The following CTNNA2 variants were observed in gnomAD, a reference collection of about 807,000 sequenced individuals.
CTNNA2 encodes the protein catenin alpha 2.
CTNNA2 carries 42 observed loss-of-function variants against 101.0 expected under a neutral mutation model. That is an observed-to-expected ratio of 0.42 (90% CI 0.32 to 0.54). The LOEUF (loss-of-function observed/expected upper bound fraction) is 0.54. CTNNA2 is among the 20% of genes least tolerant of loss of function. The pLI is 0.14. For synonymous variants in CTNNA2, 450 were observed against 456.4 expected (o/e 0.99, Z 0.18); for missense variants, 871 against 1,223.1 (o/e 0.71, Z 4.29).
chr2:80,357,091 A>G (rs1377580435), intron 7 of CTNNA2, among the ~76,000 whole-genome samples: 5 of 152,162 alleles, frequency 3.3e-5, no homozygotes, highest in Admixed American at 3.3e-4. Flanking sequence ...TGCTTAAATT[A>G]TAGCAAAGAA....
intron 3 of CTNNA2, among the ~76,000 whole-genome samples, chr2:79,817,463 A>T (rs1677614531): frequency 6.6e-6 from 1 of 150,832 alleles, no homozygotes. Context: ...TTCCAGTCTC[A>T]CTCTCAAAGC....
chr2:80,399,075 A>ATTTTT lies in CTNNA2; in HGVS notation c.1137+5796_1137+5800dup, dbSNP rs375797544. Among the ~76,000 whole-genome samples, 367 of 137,522 alleles carry ATTTTT rather than the reference A, an allele frequency of 2.7e-3. 3 individuals carry two copies. Among genetic ancestry groups the ATTTTT allele is most frequent in the African/African-American group, 8.1e-3 (299 of 36,974 alleles). 90.2% of individuals were successfully genotyped at this position (137,522 alleles called of 152,430 possible). On this transcript the variant is annotated intron_variant, in intron 8 of 18. Transcript: ENST00000402739. ...AAGCATGTGCCACCACGCCTGGCTA[A>ATTTTT]TTTTTTTTTTTTTTTTAGCAGAGAC...
chr2:80,539,141 C>T (rs545115317), intron 9 of CTNNA2, among the ~76,000 whole-genome samples: 1 of 152,170 alleles, frequency 6.6e-6, no homozygotes, highest in East Asian at 1.9e-4. Context: ...ACCTCAGCCT[C>T]CTGAGTTATT....
At chr2:80,168,397 C>T (rs537534716) in intron 7 of CTNNA2, among the ~76,000 whole-genome samples, 1 of 152,228 alleles carries the variant, frequency 6.6e-6, no homozygotes, top group South Asian at 2.1e-4. Flanking sequence ...AATTCCATCC[C>T]CCACCTGCCC....
chr2:80,024,232 T>C (rs1574568434), intron 7 of CTNNA2, among the ~76,000 whole-genome samples: 3 of 152,054 alleles, frequency 2.0e-5, no homozygotes, highest in South Asian at 2.1e-4. Context: ...AATAGAACAA[T>C]ATGTAAGAGG....
intron 3 of CTNNA2, among the ~76,000 whole-genome samples, chr2:79,337,098 C>T (rs10171893): frequency 0.13 from 20,075 of 152,082 alleles, 1,498 homozygotes; most frequent in Middle Eastern, 0.21. Flanking sequence ...ATGGACAGAC[C>T]TGACAAAGGG....
At chr2:79,961,128 C>T (rs188563082) in intron 7 of CTNNA2, among the ~76,000 whole-genome samples, 22 of 152,280 alleles carry the variant, frequency 1.4e-4, no homozygotes, top group African/African-American at 5.3e-4. Context: ...TTGCAAATCT[C>T]AGGATGTATT....
intron 18 of CTNNA2, among the ~76,000 whole-genome samples, chr2:80,637,259 G>A (rs769735142): frequency 2.0e-5 from 3 of 152,126 alleles, no homozygotes; most frequent in Non-Finnish European, 2.9e-5. Flanking sequence ...AACTTCAGTG[G>A]CATTATCTCA....
intron 3 of CTNNA2, among the ~76,000 whole-genome samples, chr2:79,786,134 A>G (rs975051): frequency 0.65 from 99,128 of 152,020 alleles, 35,096 homozygotes; most frequent in East Asian, 0.96. Flanking sequence ...AACACTAACA[A>G]GTGCTTCAGT....
chr2:80,394,753 A>G (rs1360947933), intron 8 of CTNNA2, among the ~76,000 whole-genome samples: 1 of 147,510 alleles, frequency 6.8e-6, no homozygotes, highest in African/African-American at 2.7e-5. Flanking sequence ...GAGCCAAACT[A>G]GATCTGCAAA....
chr2:79,997,906 C>A (rs1186848812), intron 7 of CTNNA2, among the ~76,000 whole-genome samples: 2 of 152,152 alleles, frequency 1.3e-5, no homozygotes, highest in Non-Finnish European at 2.9e-5. Context: ...ACATAGAGAA[C>A]TGAGCCAAAG....
chr2:80,170,825 G>T (rs1705006693), intron 7 of CTNNA2, among the ~76,000 whole-genome samples: 1 of 152,176 alleles, frequency 6.6e-6, no homozygotes, highest in Admixed American at 6.5e-5. Flanking sequence ...GGTGGGTGAG[G>T]TGTTATGCTG....
At chr2:80,181,550 C>A (rs1705781081) in intron 7 of CTNNA2, among the ~76,000 whole-genome samples, 1 of 152,152 alleles carries the variant, frequency 6.6e-6, no homozygotes, top group Non-Finnish European at 1.5e-5. Context: ...TGATTTTCCA[C>A]AATTTCAGCT....
At chr2:79,745,030 G>A (rs1671544992) in intron 3 of CTNNA2, among the ~76,000 whole-genome samples, 1 of 152,152 alleles carries the variant, frequency 6.6e-6, no homozygotes, top group Admixed American at 6.5e-5. Flanking sequence ...CACAAATGTA[G>A]CAAGCTAGCC....
chr2:80,356,100 C>T (rs1673769232), intron 7 of CTNNA2, among the ~76,000 whole-genome samples: 1 of 152,070 alleles, frequency 6.6e-6, no homozygotes, highest in Admixed American at 6.6e-5. Context: ...TCTTTTCTCT[C>T]TCTGCAAAGC....
chr2:80,557,339 T>G (rs1693132051), intron 12 of CTNNA2, among the ~76,000 whole-genome samples: 1 of 152,200 alleles, frequency 6.6e-6, no homozygotes, highest in Admixed American at 6.5e-5. Flanking sequence ...TTGGAAGAGT[T>G]ATAAAAAGGT....
At chr2:79,516,653 A>G (rs968706939) in intron 1 of CTNNA2, among the ~76,000 whole-genome samples, 1 of 152,214 alleles carries the variant, frequency 6.6e-6, no homozygotes, top group African/African-American at 2.4e-5. Context: ...TCAGCTACCC[A>G]TGGAGGTAGT....
intron 4 of CTNNA2, among the ~76,000 whole-genome samples, chr2:79,502,168 AT>A (rs1671327629): frequency 6.6e-6 from 1 of 152,128 alleles, no homozygotes. Flanking sequence ...ACAAAAAGTT[AT>A]TGTAAGAGTA....
chr2:79,706,373 A>T (rs1180219951), intron 2 of CTNNA2, among the ~76,000 whole-genome samples: 3 of 151,564 alleles, frequency 2.0e-5, no homozygotes, highest in Non-Finnish European at 4.4e-5. Flanking sequence ...AAAAAAAAAA[A>T]AAAAAAAAAA....
Sources: gnomAD v4.1 joint callset for allele counts (sites outside exome capture counted in the v4.1 genomes callset) on GRCh38, gnomAD v4.1.1 for gene constraint, MANE v1.5 for transcripts, NCBI Gene and HGNC (gene_info 2026-07-23, HGNC 2026-07-21) for gene names.